The following GLDC variants were observed in gnomAD, a reference collection of about 807,000 sequenced individuals.
GLDC encodes the protein glycine decarboxylase, also known as glycine dehydrogenase (decarboxylating), mitochondrial.
A neutral mutation model predicts 121.3 loss-of-function variants in GLDC; 104 were observed. The observed-to-expected ratio is 0.86, with a 90% CI of 0.73 to 1.01. The LOEUF is 1.01. Among genes scored for constraint, GLDC ranks in the 50% least tolerant of loss-of-function variants. The pLI is 0.00. For missense variants in GLDC, 1,429 were observed against 1,306.6 expected (o/e 1.09, Z -1.44); for synonymous variants, 546 against 480.6 (o/e 1.14, Z -1.78).
In GLDC at chr9:6,534,631, G is replaced by C. The variant is rs538868095; in HGVS notation, c.2919+77C>G. The C allele has an allele frequency of 2.9e-5, 22 of 771,152 alleles. No homozygotes were observed. In the South Asian group the frequency reaches 3.0e-4, roughly 11 times the overall value. The allele number at this position is 771,152 out of a possible 1,614,324, so 47.8% of individuals were successfully genotyped here. A position where few individuals can be genotyped will look rare whatever the true frequency, so the allele number is the denominator to read the frequency against. On this transcript the variant is annotated intron_variant, in intron 24 of 24. Coordinates refer to ENST00000321612, the MANE Select transcript of GLDC (RefSeq NM_000170.3). ...CACATATGGTTTCTGTAATCATGAG[G>C]CTAAGAGCGTACACCCGTCAGGATA...
intron 9 of GLDC, among the ~76,000 whole-genome samples, chr9:6,593,691 C>CTTTTTT (rs201795236): frequency 7.5e-6 from 1 of 133,192 alleles, no homozygotes; most frequent in African/African-American, 2.7e-5. Flanking sequence ...GATTTAATCA[C>CTTTTTT]TTTTTTTTTT....
At chr9:6,562,567 A>C (rs560513518) in intron 16 of GLDC, among the ~76,000 whole-genome samples, 1 of 152,086 alleles carries the variant, frequency 6.6e-6, no homozygotes, top group Non-Finnish European at 1.5e-5. Flanking sequence ...AATTAAAAAA[A>C]ATTTTTTTTT....
At chr9:6,580,365 T>G (rs1258137825) in intron 15 of GLDC, among the ~76,000 whole-genome samples, 1 of 152,120 alleles carries the variant, frequency 6.6e-6, no homozygotes, top group African/African-American at 2.4e-5. Flanking sequence ...AGAAAAAGCT[T>G]TGACTTCTAA....
rs1190190287 is a variant in GLDC, at chr9:6,645,468, C to A, written c.32G>T (p.Arg11Leu). The A allele has an allele frequency of 2.4e-6, 3 of 1,252,462 alleles. No individual in the cohort carries two copies. The highest frequency in any genetic ancestry group is 3.0e-6 in the Non-Finnish European group (3 of 1,003,908). 77.6% of individuals were successfully genotyped at this position (1,252,462 alleles called of 1,614,324 possible). ...GCCGCCCCCGACCCCGCGGCCCAGG[C>A]GCAGCCCCCACGCCCTGGCACAGGA... MQSCARAWGL[R>L]LGRGVGGGRR... The change falls in exon 1 of 25, where the codon CGC becomes CTC. Residue 11 changes from arginine (R) to leucine (L), a missense_variant. Arg to Leu is a moderately radical substitution (Grantham distance 102). Transcript: ENST00000321612.
intron 3 of GLDC, among the ~76,000 whole-genome samples, chr9:6,611,553 C>T (rs1180363727): frequency 1.5e-5 from 1 of 68,702 alleles, no homozygotes; most frequent in Admixed American, 1.9e-4. Context: ...AAGACTCCGT[C>T]TCAAAAAAAA....
chr9:6,558,478 T>G (rs879209793), intron 17 of GLDC, 81 bp downstream of exon 17: 1 of 1,486,276 alleles, frequency 6.7e-7, no homozygotes, highest in South Asian at 1.1e-5. Context: ...GAGAAGACAT[T>G]TACATAATCC....
intron 3 of GLDC, among the ~76,000 whole-genome samples, chr9:6,618,879 C>T (rs186438006): frequency 1.1e-3 from 160 of 152,020 alleles, no homozygotes; most frequent in African/African-American, 3.7e-3. Flanking sequence ...CGCGGTGGCT[C>T]ACGCCTGTAA....
rs923253126 is a variant in GLDC at position 6,592,033 on chromosome 9, G to C, written c.1482+110C>G. ...GTCAGTGGAATAATTTTAACAACAA[G>C]CTACCAGTGTCACACTTGGGCCCCT... On this transcript the variant is annotated intron_variant, in intron 11 of 24. Coordinates refer to ENST00000321612, the MANE Select transcript of GLDC (RefSeq NM_000170.3). The C allele has an allele frequency of 4.0e-6, 3 of 753,608 alleles. No individual in the cohort carries two copies. The African/African-American group carries it at 5.1e-5, about 13-fold the overall frequency. 46.7% of individuals were successfully genotyped at this position (753,608 alleles called of 1,614,324 possible).
intron 2 of GLDC, among the ~76,000 whole-genome samples, chr9:6,642,952 G>A (rs956018360): frequency 6.6e-6 from 1 of 151,462 alleles, no homozygotes; most frequent in Non-Finnish European, 1.5e-5. Flanking sequence ...AGGTGGAAGT[G>A]CAGTGGAGCC....
intron 16 of GLDC, among the ~76,000 whole-genome samples, chr9:6,560,196 G>C (rs1269684547): frequency 6.6e-6 from 1 of 151,358 alleles, no homozygotes; most frequent in African/African-American, 2.4e-5. Flanking sequence ...GAGAAGCCAT[G>C]ATTACCCTGA....
chr9:6,543,402 T>A (rs1210593668), intron 21 of GLDC, among the ~76,000 whole-genome samples: 7 of 152,050 alleles, frequency 4.6e-5, no homozygotes, highest in Non-Finnish European at 8.8e-5. Context: ...GAGGAGGCAC[T>A]CTTGCTGGCA....
intron 21 of GLDC, among the ~76,000 whole-genome samples, chr9:6,542,842 C>T (rs1302875503): frequency 1.6e-5 from 2 of 121,942 alleles, no homozygotes; most frequent in Middle Eastern, 6.8e-3. Context: ...GCCGAGATCA[C>T]ATCACTGCAT....
rs1818736696 is a variant in GLDC, at chr9:6,606,523, A to G, written c.713+69T>C. The G allele has an allele frequency of 4.1e-6, 4 of 973,640 alleles. No homozygotes were observed. The South Asian group carries it at 5.1e-5, about 12-fold the overall frequency. The allele number at this position is 973,640 out of a possible 1,614,324, so 60.3% of individuals were successfully genotyped here. A position where few individuals can be genotyped will look rare whatever the true frequency, so the allele number is the denominator to read the frequency against. ...CACCTCCAATCAGTTTGGAAGTGAG[A>G]AAGAGAAAGAAACAGCAGAGATGAA... On this transcript the variant is annotated intron_variant, in intron 5 of 24. Transcript: ENST00000321612.
intron 8 of GLDC, among the ~76,000 whole-genome samples, chr9:6,596,897 A>G (rs1250913659): frequency 6.6e-6 from 1 of 152,256 alleles, no homozygotes; most frequent in African/African-American, 2.4e-5. Flanking sequence ...AATATAACCA[A>G]AAGAACTGAA....
At chr9:6,593,939 C>T (rs556106204) in intron 9 of GLDC, among the ~76,000 whole-genome samples, 29 of 151,918 alleles carry the variant, frequency 1.9e-4, no homozygotes, top group Middle Eastern at 6.8e-3. Context: ...GTGATCCACC[C>T]GCCTCAGCCT....
chr9:6,602,826 C>G (rs769252371), intron 7 of GLDC, among the ~76,000 whole-genome samples: 1 of 152,006 alleles, frequency 6.6e-6, no homozygotes. Flanking sequence ...AAATATACGA[C>G]AAAATTGAAA....
intron 2 of GLDC, among the ~76,000 whole-genome samples, chr9:6,637,961 T>C (rs1819541682): frequency 6.6e-6 from 1 of 151,414 alleles, no homozygotes; most frequent in African/African-American, 2.4e-5. Flanking sequence ...AGTGCTGAGA[T>C]TACAGGTGTC....
chr9:6,545,098 T>A (rs1351826967), intron 21 of GLDC, among the ~76,000 whole-genome samples: 2 of 89,672 alleles, frequency 2.2e-5, no homozygotes, highest in African/African-American at 1.2e-4. Context: ...AAACTCTGTC[T>A]CAAAAAAAAG....
intron 3 of GLDC, among the ~76,000 whole-genome samples, chr9:6,617,652 G>A (rs887291166): frequency 6.6e-6 from 1 of 152,166 alleles, no homozygotes; most frequent in Non-Finnish European, 1.5e-5. Context: ...GGAGCATATT[G>A]AAACTAAGAG....
Sources: gnomAD v4.1 joint callset for allele counts (sites outside exome capture counted in the v4.1 genomes callset) on GRCh38, gnomAD v4.1.1 for gene constraint, MANE v1.5 for transcripts, NCBI Gene and HGNC (gene_info 2026-07-23, HGNC 2026-07-21) for gene names.